MTREX: variants seen among roughly 807,000 people sequenced by gnomAD.
The protein encoded by MTREX is Mtr4 exosome RNA helicase.
MTREX carries 76 observed loss-of-function variants against 135.4 expected under a neutral mutation model. The ratio of observed to expected loss-of-function variants is 0.56; its 90% CI spans 0.47 to 0.68. The LOEUF is 0.68. MTREX is among the 30% of genes least tolerant of loss of function. The pLI, the probability that MTREX is intolerant of heterozygous loss-of-function variation, is 0.00. For missense variants in MTREX, 920 were observed against 1,262.1 expected (o/e 0.73, Z 4.11); for synonymous variants, 404 against 401.6 (o/e 1.01, Z -0.07).
In MTREX at chr5:55,422,876, A is replaced by AG; in HGVS notation, c.2972dup. On this transcript the variant is annotated splice_acceptor_variant, in intron 25 of 26. Transcript: ENST00000230640. LOFTEE classifies it high-confidence loss of function. ...CCAGTGTTTTGTTCCTTTTCTATCC[A>AG]GGCAGCATAATTCGTTGTATGAGGC... 6.2e-7 allele frequency: 1 copy of AG among 1,611,170 alleles called. No homozygotes were observed. Among genetic ancestry groups the AG allele is most frequent in the East Asian group, 2.2e-5 (1 of 44,858 alleles).
chr5:55,347,127 A>G lies in MTREX; in HGVS notation c.1223A>G (p.Lys408Arg). 1 of 1,603,262 alleles carries G rather than the reference A, an allele frequency of 6.2e-7. No individual in the cohort carries two copies. Among genetic ancestry groups the G allele is most frequent in the Non-Finnish European group, 8.5e-7 (1 of 1,175,612 alleles). Residue 408 changes from lysine to arginine, a missense_variant, in exon 11 of 27, where the codon AAA (lysine) becomes AGA (arginine). By Grantham distance (26) the Lys-to-Arg change is conservative. This residue lies in a region of MTREX where 101 missense variants were observed against 119.1 expected (regional missense o/e 0.85). Coordinates refer to ENST00000230640, the MANE Select transcript of MTREX (RefSeq NM_015360.5). ...DCEAYALQMT[K>R]LDFNTDEEKK... ...GAAGCCTATGCACTTCAAATGACCA[A>G]ATTAGATTTCAACACAGGTACTACA...
rs67612518 is a variant in MTREX at position 55,338,786 on chromosome 5, CT to C, written c.516-1202del. On this transcript the variant is annotated intron_variant, in intron 5 of 26. Coordinates refer to ENST00000230640, the MANE Select transcript of MTREX (RefSeq NM_015360.5). ...TTGTTAATCTGTAGACTTTCTTTTT[CT>C]TTTTTTTTTTTTTTTTTTTTTGAGA... Among the ~76,000 whole-genome samples the C allele has an allele frequency of 3.4e-3, 317 of 92,228 alleles. 1 individual carries two copies. Among genetic ancestry groups the C allele is most frequent in the African/African-American group, 9.1e-3 (199 of 21,766 alleles). 60.5% of individuals were successfully genotyped at this position (92,228 alleles called of 152,430 possible). A position where few individuals can be genotyped will look rare whatever the true frequency, so the allele number is the denominator to read the frequency against.
chr5:55,400,185 A>C (rs372185612), intron 20 of MTREX, 48 bp from the exon 21 acceptor site: 1 of 1,406,770 alleles, frequency 7.1e-7, no homozygotes, highest in Non-Finnish European at 9.6e-7. Context: ...GTTTGGTCTT[A>C]CTAATTTTGA....
At chr5:55,376,994 C>T (rs1262766157) in intron 16 of MTREX, among the ~76,000 whole-genome samples, 1 of 151,866 alleles carries the variant, frequency 6.6e-6, no homozygotes, top group Non-Finnish European at 1.5e-5. Flanking sequence ...TCACTTAAAC[C>T]TGTGAGGCTG....
intron 15 of MTREX, among the ~76,000 whole-genome samples, chr5:55,366,387 G>A (rs547922439): frequency 1.3e-5 from 2 of 152,258 alleles, no homozygotes; most frequent in Middle Eastern, 3.4e-3. Flanking sequence ...CTGCTCAGGA[G>A]GCTAAGACTG....
intron 8 of MTREX, 75 bp from the exon 9 acceptor site, chr5:55,344,447 C>A (rs1749698384): frequency 1.1e-6 from 1 of 924,184 alleles, no homozygotes; most frequent in Non-Finnish European, 1.7e-6. Context: ...TTCTTAAGAT[C>A]TTTTAGGTTG....
intron 1 of MTREX, among the ~76,000 whole-genome samples, chr5:55,319,288 C>A (rs1219134715): frequency 6.6e-6 from 1 of 152,078 alleles, no homozygotes; most frequent in Non-Finnish European, 1.5e-5. Flanking sequence ...GCTTTAATGT[C>A]CTTTATAAGA....
At chr5:55,328,876 C>A in intron 5 of MTREX, 65 bp downstream of exon 5, 2 of 1,046,636 alleles carry the variant, frequency 1.9e-6, no homozygotes, top group Non-Finnish European at 2.9e-6. Context: ...TTCTTTTTTG[C>A]TGTTTGATTT....
intron 14 of MTREX, 117 bp from the exon 15 acceptor site, chr5:55,358,456 A>G: frequency 1.2e-6 from 1 of 863,256 alleles, no homozygotes; most frequent in Non-Finnish European, 1.7e-6. Context: ...GTTTTTAATC[A>G]TGTTTCCTTT....
chr5:55,337,790 G>GTTTT (rs143867703), intron 5 of MTREX, among the ~76,000 whole-genome samples: 53 of 146,754 alleles, frequency 3.6e-4, no homozygotes, highest in African/African-American at 1.3e-3. Context: ...TATTTCTCAT[G>GTTTT]TTTTTTTTTT....
At position 55,358,075 on chromosome 5, in the gene MTREX, G is replaced by A. The variant is rs946540231; in HGVS notation, c.1534-498G>A. On this transcript the variant is annotated intron_variant, in intron 14 of 26. Transcript: ENST00000230640. ...GTTTTCGCTGGGCGTGGTGGCTCAT[G>A]CCTGTAATCCCAGCACTTTGGGAGG... Among the ~76,000 whole-genome samples the A allele has an allele frequency of 5.9e-5, 9 of 152,184 alleles. No individual in the cohort carries two copies. The South Asian group carries it at 1.7e-3, about 28-fold the overall frequency.
At chr5:55,316,369 A>G (rs201605895) in intron 1 of MTREX, among the ~76,000 whole-genome samples, 5 of 152,298 alleles carry the variant, frequency 3.3e-5, no homozygotes, top group East Asian at 1.9e-4. Flanking sequence ...ATGAACATCA[A>G]TGCAAAAATC....
intron 20 of MTREX, among the ~76,000 whole-genome samples, chr5:55,398,047 C>A (rs1750672092): frequency 6.6e-6 from 1 of 151,874 alleles, no homozygotes; most frequent in Admixed American, 6.6e-5. Flanking sequence ...CATAGTGAGA[C>A]CCCCATCTCT....
At chr5:55,312,028 G>A (rs1296169178) in intron 1 of MTREX, among the ~76,000 whole-genome samples, 1 of 152,096 alleles carries the variant, frequency 6.6e-6, no homozygotes, top group African/African-American at 2.4e-5. Context: ...TTCTAAGATT[G>A]ACAAGTTGGC....
At chr5:55,331,515 C>G (rs778941158) in intron 5 of MTREX, among the ~76,000 whole-genome samples, 2 of 152,162 alleles carry the variant, frequency 1.3e-5, no homozygotes, top group Non-Finnish European at 2.9e-5. Context: ...ACATTTCTGC[C>G]AGTCGTGTAT....
chr5:55,332,391 G>A (rs1414131185), intron 5 of MTREX, among the ~76,000 whole-genome samples: 1 of 152,168 alleles, frequency 6.6e-6, no homozygotes, highest in African/African-American at 2.4e-5. Flanking sequence ...AAAGAAGACT[G>A]TAGAGAAAAG....
Position 55,340,015 on chromosome 5 carries a change from C to A in MTREX, c.521C>A (p.Ala174Asp). The change falls in exon 6 of 27, where the codon GCC (alanine) becomes GAC (aspartate). Residue 174 changes from alanine (A) to aspartate (D), a missense_variant. Coordinates refer to ENST00000230640, the MANE Select transcript of MTREX (RefSeq NM_015360.5). ...ATTTGTTTTCACATTTGTAGGTATG[C>A]CATTGCATTGGCCTTAAGGGAAAAG... is the stretch of plus-strand genomic sequence containing the variant. Reference protein sequence around the residue: ...SAGKTVCAEYAIALALREKQR... With the variant: ...SAGKTVCAEYDIALALREKQR... 2 of 1,518,812 alleles carry A rather than the reference C, an allele frequency of 1.3e-6. No individual in the cohort carries two copies. The highest frequency in any genetic ancestry group is 2.1e-5 in the Admixed American group (1 of 47,056). The allele number at this position is 1,518,812 out of a possible 1,614,324, so 94.1% of individuals were successfully genotyped here. A position where few individuals can be genotyped will look rare whatever the true frequency, so the allele number is the denominator to read the frequency against.
chr5:55,421,250 T>G (rs981986391), intron 25 of MTREX, among the ~76,000 whole-genome samples: 1 of 152,226 alleles, frequency 6.6e-6, no homozygotes, highest in Non-Finnish European at 1.5e-5. Context: ...GTAGGAGAGA[T>G]GCTAGACAAT....
intron 16 of MTREX, among the ~76,000 whole-genome samples, chr5:55,372,202 T>G (rs1750214310): frequency 6.6e-6 from 1 of 152,144 alleles, no homozygotes; most frequent in Admixed American, 6.6e-5. Context: ...TTATAGGGTT[T>G]AATTTTTTTT....
Sources: allele counts gnomAD v4.1 joint callset (sites outside exome capture counted in the v4.1 genomes callset), GRCh38; gene constraint gnomAD v4.1.1; regional missense constraint gnomAD v4.1.1; transcripts MANE v1.5; gene names NCBI Gene and HGNC (gene_info 2026-07-23, HGNC 2026-07-21).